The following WHRN variants were observed in gnomAD, a reference collection of about 807,000 sequenced individuals.
The protein encoded by WHRN is CASK-interacting protein CIP98.
WHRN carries 41 observed loss-of-function variants against 68.3 expected under a neutral mutation model. The observed-to-expected ratio is 0.60, with a 90% CI of 0.47 to 0.78. The LOEUF (loss-of-function observed/expected upper bound fraction) is 0.78. Among genes scored for constraint, WHRN ranks in the 30% least tolerant of loss-of-function variants. WHRN has a pLI of 0.00. For synonymous variants in WHRN, 560 were observed against 561.3 expected (o/e 1.00, Z 0.03); for missense variants, 1,243 against 1,244.7 (o/e 1.00, Z 0.02).
chr9:114,500,782 T>G (rs1380322224), intron 1 of WHRN, among the ~76,000 whole-genome samples: 1 of 152,168 alleles, frequency 6.6e-6, no homozygotes, highest in Non-Finnish European at 1.5e-5. Flanking sequence ...GTTTCCTCAT[T>G]TGCTCCGAAA....
intron 3 of WHRN, among the ~76,000 whole-genome samples, chr9:114,444,326 G>T (rs1838636904): frequency 6.6e-6 from 1 of 151,944 alleles, no homozygotes; most frequent in Non-Finnish European, 1.5e-5. Context: ...TTTACAAAAA[G>T]AATTTGAACC....
At chr9:114,497,085 G>T (rs1843521725) in intron 1 of WHRN, among the ~76,000 whole-genome samples, 1 of 152,180 alleles carries the variant, frequency 6.6e-6, no homozygotes, top group Non-Finnish European at 1.5e-5. Flanking sequence ...CACTTCTAAG[G>T]CTCTAACACA....
At chr9:114,449,303 T>C (rs1839104443) in intron 3 of WHRN, among the ~76,000 whole-genome samples, 1 of 152,180 alleles carries the variant, frequency 6.6e-6, no homozygotes, top group Non-Finnish European at 1.5e-5. Context: ...GGGAATGAGA[T>C]GAGAAGGAAA....
intron 1 of WHRN, among the ~76,000 whole-genome samples, chr9:114,486,959 GTATA>G (rs869241280): frequency 0.018 from 85 of 4,850 alleles, no homozygotes; most frequent in Admixed American, 0.029. Context: ...GTGTGTGTGT[GTATA>G]TATATATATA....
At position 114,475,376 on chromosome 9, in the gene WHRN, A is replaced by G. The variant is rs539815455; in HGVS notation, c.837+3177T>C. Among the ~76,000 whole-genome samples the G allele has an allele frequency of 6.6e-5, 10 of 152,278 alleles. 1 individual carries two copies. Among genetic ancestry groups the G allele is most frequent in the African/African-American group, 2.4e-4 (10 of 41,552 alleles). ...TGCCCCGTTCACTTCTGAGGATTTG[A>G]CAGTGATTTAAGAGCAGCCACGTCT... On this transcript the variant is annotated intron_variant, in intron 2 of 11. Transcript: ENST00000362057.
intron 2 of WHRN, among the ~76,000 whole-genome samples, chr9:114,476,497 C>A (rs1331020142): frequency 1.3e-5 from 2 of 152,108 alleles, no homozygotes; most frequent in Non-Finnish European, 2.9e-5. Context: ...CCCTGATCAC[C>A]TCAATCAAAA....
Position 114,425,044 on chromosome 9 carries a change from T to C in WHRN, c.1167-20A>G. The C allele has an allele frequency of 6.2e-7, 1 of 1,613,876 alleles. No individual in the cohort carries two copies. Among genetic ancestry groups the C allele is most frequent in the Non-Finnish European group, 8.5e-7 (1 of 1,179,856 alleles). On this transcript the variant is annotated intron_variant, in intron 4 of 11. Transcript: ENST00000362057. ...AGAAACCTGTGGGGAAAGACACACA[T>C]CTCCAGTTGTGCATTTGAGCAGATC... is the stretch of plus-strand genomic sequence containing the variant.
At chr9:114,427,109 T>C (rs1386494992) in intron 3 of WHRN, among the ~76,000 whole-genome samples, 1 of 152,032 alleles carries the variant, frequency 6.6e-6, no homozygotes, top group Non-Finnish European at 1.5e-5. Flanking sequence ...AAAATAATAA[T>C]AGCCGGGCAC....
chr9:114,417,525 G>A (rs975736435), intron 7 of WHRN, among the ~76,000 whole-genome samples: 8 of 152,194 alleles, frequency 5.3e-5, no homozygotes, highest in Non-Finnish European at 7.3e-5. Flanking sequence ...ACCAGCTCTC[G>A]CTGTTTATTG....
At chr9:114,481,417 C>G (rs979926863) in intron 1 of WHRN, among the ~76,000 whole-genome samples, 29 of 152,218 alleles carry the variant, frequency 1.9e-4, no homozygotes, top group African/African-American at 7.0e-4. Context: ...CCTGGCAGAA[C>G]AGTCAGGAAA....
chr9:114,465,542 G>A (rs1031850169), intron 3 of WHRN, among the ~76,000 whole-genome samples: 1 of 152,166 alleles, frequency 6.6e-6, no homozygotes, highest in Non-Finnish European at 1.5e-5. Context: ...TCAGGATTTA[G>A]CCCAAACACA....
At chr9:114,458,806 C>A (rs1840014419) in intron 3 of WHRN, among the ~76,000 whole-genome samples, 1 of 152,190 alleles carries the variant, frequency 6.6e-6, no homozygotes. Context: ...AATCCTGGTG[C>A]CCCAGGTGTT....
intron 1 of WHRN, among the ~76,000 whole-genome samples, chr9:114,484,319 C>A (rs1197593077): frequency 6.6e-6 from 1 of 152,216 alleles, no homozygotes; most frequent in Non-Finnish European, 1.5e-5. Context: ...ATCAACCACA[C>A]CCCTCTCTAG....
At position 114,493,553 on chromosome 9, in the gene WHRN, T is replaced by C. The variant is rs373830176; in HGVS notation, c.618+10631A>G. ...AGGAGAGAGACCCTCCTCTCATCCT[T>C]GAAGTGTGCTGATCAGGCAGTGTAG... On this transcript the variant is annotated intron_variant, in intron 1 of 11. Transcript: ENST00000362057. Among the ~76,000 whole-genome samples, 34 of 152,122 alleles carry C rather than the reference T, an allele frequency of 2.2e-4. 1 individual carries two copies. Among genetic ancestry groups the C allele is most frequent in the African/African-American group, 7.7e-4 (32 of 41,480 alleles).
chr9:114,490,640 G>A (rs576397539), intron 1 of WHRN, among the ~76,000 whole-genome samples: 6 of 152,240 alleles, frequency 3.9e-5, no homozygotes, highest in East Asian at 1.9e-4. Context: ...TCCATGCTGC[G>A]AATGCCGGGA....
At chr9:114,419,383 T>C (rs1164031035) in intron 7 of WHRN, among the ~76,000 whole-genome samples, 3 of 152,246 alleles carry the variant, frequency 2.0e-5, no homozygotes, top group African/African-American at 7.2e-5. Context: ...GCCCAAATTA[T>C]GGGCTAGGGT....
intron 1 of WHRN, among the ~76,000 whole-genome samples, chr9:114,490,079 G>A (rs1016207887): frequency 2.6e-5 from 4 of 152,184 alleles, no homozygotes; most frequent in Non-Finnish European, 5.9e-5. Context: ...GCCAGGACCC[G>A]CGACACAGCC....
chr9:114,491,979 G>A lies in WHRN; in HGVS notation c.618+12205C>T, dbSNP rs988505712. On this transcript the variant is annotated intron_variant, in intron 1 of 11. Transcript: ENST00000362057. ...TCCCAGTGTTTTTTATTCCTGTGGC[G>A]CTCACCCCAAAGTATTAAAAGTAGC... Among the ~76,000 whole-genome samples the A allele has an allele frequency of 4.7e-5, 7 of 148,036 alleles. 1 individual carries two copies. The highest frequency in any genetic ancestry group is 2.0e-4 in the Admixed American group (3 of 14,682).
chr9:114,469,142 A>G (rs144830034), intron 2 of WHRN, among the ~76,000 whole-genome samples: 174 of 152,330 alleles, frequency 1.1e-3, no homozygotes, highest in African/African-American at 3.9e-3. Flanking sequence ...ACAGGGAAGC[A>G]CTAGGAAACA....
Sources: allele counts gnomAD v4.1 joint callset (sites outside exome capture counted in the v4.1 genomes callset), GRCh38; gene constraint gnomAD v4.1.1; transcripts MANE v1.5; gene names NCBI Gene and HGNC (gene_info 2026-07-23, HGNC 2026-07-21).